The following AKNAD1 variants were observed in gnomAD, a reference collection of about 807,000 sequenced individuals.
AKNAD1 encodes the protein AKNA domain containing 1, also known as protein AKNAD1.
AKNAD1 carries 67 observed loss-of-function variants against 90.8 expected under a neutral mutation model. The observed-to-expected ratio is 0.74, with a 90% confidence interval of 0.61 to 0.90. The LOEUF (loss-of-function observed/expected upper bound fraction) is 0.90, where lower values mean the gene tolerates loss of function less well. AKNAD1 is among the 40% of genes least tolerant of loss of function. The probability of loss-of-function intolerance (pLI) is 0.00; values close to 1 mark genes in which losing one functional copy is unlikely to be tolerated. For synonymous variants in AKNAD1, 327 were observed against 341.4 expected (o/e 0.96, Z 0.46); for missense variants, 957 against 975.4 (o/e 0.98, Z 0.25).
At chr1:108,842,325 C>A (rs1473755069) in intron 6 of AKNAD1, among the ~76,000 whole-genome samples, 1 of 152,158 alleles carries the variant, frequency 6.6e-6, no homozygotes, top group Non-Finnish European at 1.5e-5. Context: ...AAGGGCTAAA[C>A]TCACAAATAT....
Position 108,823,524 on chromosome 1 carries a change from A to G in AKNAD1, c.2059+42T>C, listed in dbSNP as rs762537260. On this transcript the variant is annotated intron_variant, in intron 12 of 15. Transcript: ENST00000370001. ...TACAGTTAATTGCCTGGGAACAGTGACTGTCCCCACTCGCCTTTCTGAGGC... is the reference window on the plus strand; with the variant it reads ...TACAGTTAATTGCCTGGGAACAGTGGCTGTCCCCACTCGCCTTTCTGAGGC... The G allele has an allele frequency of 2.5e-6, 4 of 1,611,432 alleles. No homozygotes were observed. The African/African-American group carries it at 5.3e-5, about 22-fold the overall frequency.
intron 6 of AKNAD1, among the ~76,000 whole-genome samples, chr1:108,838,328 CCA>C (rs1664443647): frequency 1.4e-5 from 2 of 145,130 alleles, no homozygotes; most frequent in African/African-American, 5.2e-5. Context: ...AGCCCCCCCC[CCA>C]AAAAAAACCC....
At position 108,827,270 on chromosome 1, in the gene AKNAD1, C is replaced by T; in HGVS notation, c.1871G>A (p.Arg624Lys). 6.2e-7 allele frequency: 1 copy of T among 1,611,808 alleles called. No individual in the cohort carries two copies. The highest frequency in any genetic ancestry group is 8.5e-7 in the Non-Finnish European group (1 of 1,179,368). ...AATTGAAAATCTTCCACAGTTGATC[C>T]TTCCGTGGCCCTTTTTCTCCACGTT... is the stretch of plus-strand genomic sequence containing the variant. ...KQNVEKKGHG[R>K]INCGRFSIVL... The change falls in exon 11 of 16, where the codon AGG becomes AAG. Residue 624 changes from arginine (R) to lysine (K), a missense_variant. Coordinates refer to ENST00000370001, the MANE Select transcript of AKNAD1 (RefSeq NM_152763.5).
chr1:108,830,570 C>G lies in AKNAD1; in HGVS notation c.1827G>C (p.Arg609Ser). ...APSPSCAFCR[R>S]LLEWKQNVEK... ...CAAGAAGCCCTCACCATTCAAGGAG[C>G]CTGCGACAGAAGGCACAGCTCGGAC... is the stretch of plus-strand genomic sequence containing the variant. Residue 609 changes from arginine (R) to serine (S), a missense_variant, in exon 10 of 16, where the codon AGG becomes AGC. Coordinates refer to ENST00000370001, the MANE Select transcript of AKNAD1 (RefSeq NM_152763.5). The G allele has an allele frequency of 3.1e-6, 5 of 1,613,998 alleles. No homozygotes were observed. Among genetic ancestry groups the G allele is most frequent in the Non-Finnish European group, 4.2e-6 (5 of 1,180,008 alleles).
At chr1:108,826,076 T>A (rs1663988174) in intron 11 of AKNAD1, among the ~76,000 whole-genome samples, 1 of 151,634 alleles carries the variant, frequency 6.6e-6, no homozygotes, top group Non-Finnish European at 1.5e-5. Flanking sequence ...CCAGGGACCC[T>A]CCGATTACAC....
chr1:108,834,912 C>T lies in AKNAD1; in HGVS notation c.1664+17G>A, dbSNP rs1664332439. 2.6e-6 allele frequency: 4 copies of T among 1,516,100 alleles called. No individual in the cohort carries two copies. Among genetic ancestry groups the T allele is most frequent in the Non-Finnish European group, 3.5e-6 (4 of 1,139,736 alleles). The allele number at this position is 1,516,100 out of a possible 1,614,324, so 93.9% of individuals were successfully genotyped here. On this transcript the variant is annotated intron_variant, in intron 8 of 15. Transcript: ENST00000370001. ...TCTGTGTCCTGTGTCTGCTGGGGCT[C>T]CAGGGCTAGGACTCACGTCTGCGGG... is the stretch of plus-strand genomic sequence containing the variant.
intron 9 of AKNAD1, 119 bp from the exon 10 acceptor site, chr1:108,830,769 G>T (rs755973832): frequency 3.4e-5 from 31 of 900,130 alleles, no homozygotes; most frequent in Non-Finnish European, 5.0e-5. Flanking sequence ...CAGGCAGAGA[G>T]ACTCGCCAAA....
At chr1:108,817,462 A>C (rs1570786867) in intron 14 of AKNAD1, 2 of 186,046 alleles carry the variant, frequency 1.1e-5, no homozygotes, top group Non-Finnish European at 2.0e-5. Flanking sequence ...TTCCGTTTTC[A>C]TTCTTTTGGG....
At position 108,820,542 on chromosome 1, in the gene AKNAD1, T is replaced by TAC. The variant is rs1219051064; in HGVS notation, c.2249+1_2249+2dup. On this transcript the variant is annotated splice_region_variant and intron_variant, in intron 14 of 15. Coordinates refer to ENST00000370001, the MANE Select transcript of AKNAD1 (RefSeq NM_152763.5). ...TTGTTACTGATAATGAAATAATACT[T>TAC]ACTTTCCTGGTGTGGGCTCATGTTC... 6.3e-7 allele frequency: 1 copy of TAC among 1,576,542 alleles called. No individual in the cohort carries two copies. Among genetic ancestry groups the TAC allele is most frequent in the Admixed American group, 1.7e-5 (1 of 59,840 alleles).
chr1:108,837,427 T>C (rs758439731), intron 7 of AKNAD1, 123 bp downstream of exon 7: 218 of 975,078 alleles, frequency 2.2e-4, no homozygotes, highest in Non-Finnish European at 3.0e-4. Context: ...CATGGGACTT[T>C]GGAAAGTTAA....
rs1454437395 is a variant in AKNAD1, at chr1:108,843,192, A to G, written c.1321T>C (p.Leu441=). Residue 441 remains leucine, a synonymous_variant, in exon 6 of 16, where the codon TTG becomes CTG. Coordinates refer to ENST00000370001, the MANE Select transcript of AKNAD1 (RefSeq NM_152763.5). ...TCGTGCTTGTGGACTTGCTGCTGCAAAGTCAGATGCTTGTCCTTGGTGGCC... is the reference window on the plus strand; with the variant it reads ...TCGTGCTTGTGGACTTGCTGCTGCAGAGTCAGATGCTTGTCCTTGGTGGCC... ...FLATKDKHLT[L]QQQVHKHEST... The G allele has an allele frequency of 6.2e-7, 1 of 1,614,146 alleles. No homozygotes were observed. The highest frequency in any genetic ancestry group is 8.5e-7 in the Non-Finnish European group (1 of 1,180,018).
chr1:108,832,715 G>A (rs1268290239), intron 9 of AKNAD1, among the ~76,000 whole-genome samples: 2 of 152,100 alleles, frequency 1.3e-5, no homozygotes, highest in African/African-American at 4.8e-5. Flanking sequence ...CAAGGAGGAG[G>A]TGCGAGTGGC....
intron 2 of AKNAD1, among the ~76,000 whole-genome samples, 153 bp from the exon 3 acceptor site, chr1:108,849,729 C>T (rs1425365510): frequency 2.0e-5 from 3 of 152,166 alleles, no homozygotes; most frequent in Non-Finnish European, 4.4e-5. Flanking sequence ...TCCACTCTGA[C>T]ACTTACTTGC....
chr1:108,826,167 C>A (rs970838846), intron 11 of AKNAD1, among the ~76,000 whole-genome samples: 7 of 151,702 alleles, frequency 4.6e-5, no homozygotes, highest in Non-Finnish European at 8.8e-5. Context: ...GGAAATGTGT[C>A]ATCTACAGAG....
intron 9 of AKNAD1, 50 bp from the exon 10 acceptor site, chr1:108,830,700 G>A (rs779732862): frequency 1.3e-5 from 20 of 1,578,572 alleles, no homozygotes; most frequent in African/African-American, 6.7e-5. Context: ...TGTGACTCAC[G>A]CCGCGGCTGC....
chr1:108,820,703 AC>A (rs1190110172), intron 13 of AKNAD1, 77 bp from the exon 14 acceptor site: 1 of 744,532 alleles, frequency 1.3e-6, no homozygotes, highest in Non-Finnish European at 2.3e-6. Flanking sequence ...CATTCCTTGA[AC>A]TTTTTGTATG....
intron 14 of AKNAD1, among the ~76,000 whole-genome samples, chr1:108,817,629 G>GT (rs1029858537): frequency 1.2e-4 from 18 of 150,166 alleles, no homozygotes; most frequent in African/African-American, 4.2e-4. Context: ...AGCCTCCCGA[G>GT]TAGCTGGGAC....
chr1:108,826,439 GA>G (rs34954897), intron 11 of AKNAD1, among the ~76,000 whole-genome samples: 87,335 of 151,006 alleles, frequency 0.58, 26,232 homozygotes, highest in African/African-American at 0.63. Flanking sequence ...AACTATCTTT[GA>G]AAAAAAGGAT....
At chr1:108,828,844 A>G (rs1180369662) in intron 10 of AKNAD1, among the ~76,000 whole-genome samples, 1 of 151,424 alleles carries the variant, frequency 6.6e-6, no homozygotes, top group Non-Finnish European at 1.5e-5. Flanking sequence ...CTGCTTTTAA[A>G]CTCCTTTGTG....
Sources: allele counts gnomAD v4.1 joint callset (sites outside exome capture counted in the v4.1 genomes callset), GRCh38; gene constraint gnomAD v4.1.1; transcripts MANE v1.5; gene names NCBI Gene and HGNC (gene_info 2026-07-23, HGNC 2026-07-21).